Variants in RALGAPA1 observed in about 807,000 individuals in gnomAD.
RALGAPA1 encodes ral GTPase-activating protein subunit alpha-1.
RALGAPA1 carries 52 observed loss-of-function variants against 269.6 expected under a neutral mutation model. The ratio of observed to expected loss-of-function variants is 0.19; its 90% CI spans 0.15 to 0.24. The LOEUF is 0.24. Among genes scored for constraint, RALGAPA1 ranks in the 10% least tolerant of loss-of-function variants. RALGAPA1 has a pLI of 1.00. For missense variants in RALGAPA1, 1,917 were observed against 3,013.9 expected (o/e 0.64, Z 8.52); for synonymous variants, 817 against 1,008.3 (o/e 0.81, Z 3.60).
intron 37 of RALGAPA1, among the ~76,000 whole-genome samples, chr14:35,590,751 G>T: frequency 6.6e-6 from 1 of 152,160 alleles, no homozygotes; most frequent in East Asian, 1.9e-4. Context: ...TCTTATAAAA[G>T]ATTTGTAAAG....
intron 27 of RALGAPA1, among the ~76,000 whole-genome samples, chr14:35,660,409 C>T (rs1335369115): frequency 6.6e-6 from 1 of 151,924 alleles, no homozygotes; most frequent in Admixed American, 6.6e-5. Context: ...TTAACAATAG[C>T]ATCGAAAACA....
chr14:35,713,074 T>C (rs1399000879), intron 16 of RALGAPA1, among the ~76,000 whole-genome samples: 2 of 152,166 alleles, frequency 1.3e-5, no homozygotes, highest in Non-Finnish European at 2.9e-5. Context: ...CTGAAAAATA[T>C]AAGCAAATAA....
At chr14:35,717,973 T>G (rs1595297626) in intron 16 of RALGAPA1, among the ~76,000 whole-genome samples, 1 of 152,302 alleles carries the variant, frequency 6.6e-6, no homozygotes, top group African/African-American at 2.4e-5. Flanking sequence ...CTAGAGCATA[T>G]TCCTAGCTCT....
Position 35,766,098 on chromosome 14 carries a change from T to C in RALGAPA1, c.326-3345A>G. The C allele has an allele frequency of 3.6e-6, 4 of 1,116,474 alleles. No individual in the cohort carries two copies. The South Asian group carries it at 5.0e-5, about 14-fold the overall frequency. 69.2% of individuals were successfully genotyped at this position (1,116,474 alleles called of 1,614,324 possible). The stretch of plus-strand genomic sequence containing the variant: ...ATCGGCATTCACATGCTATGCGGCT[T>C]TAGGATCAGATACTGGAGGGCTGAC... On this transcript the variant is annotated intron_variant, in intron 4 of 41. Transcript: ENST00000680220.
intron 37 of RALGAPA1, among the ~76,000 whole-genome samples, chr14:35,595,342 T>C (rs2058869467): frequency 1.3e-5 from 2 of 152,108 alleles, no homozygotes; most frequent in African/African-American, 2.4e-5. Flanking sequence ...TGCTTCAATA[T>C]AGTAACCGTT....
intron 1 of RALGAPA1, among the ~76,000 whole-genome samples, chr14:35,790,690 A>C (rs1250087817): frequency 3.3e-5 from 5 of 151,608 alleles, no homozygotes; most frequent in Non-Finnish European, 5.9e-5. Flanking sequence ...TGTCTAAAAA[A>C]AAAAAAAAAA....
intron 8 of RALGAPA1, among the ~76,000 whole-genome samples, chr14:35,750,917 A>G (rs1447920356): frequency 6.6e-6 from 1 of 152,222 alleles, no homozygotes; most frequent in Non-Finnish European, 1.5e-5. Flanking sequence ...TTTACAAAAT[A>G]TCAAAAAGTT....
intron 4 of RALGAPA1, among the ~76,000 whole-genome samples, chr14:35,768,769 G>A (rs577520086): frequency 1.3e-5 from 2 of 151,820 alleles, no homozygotes; most frequent in Non-Finnish European, 2.9e-5. Flanking sequence ...AGCACTTTGG[G>A]AGGCCGAGGT....
chr14:35,801,988 G>A (rs570738398), intron 1 of RALGAPA1, among the ~76,000 whole-genome samples: 2 of 152,308 alleles, frequency 1.3e-5, no homozygotes, highest in East Asian at 3.9e-4. Context: ...GATTCTCTAT[G>A]AAAAATATCC....
At chr14:35,566,581 T>C (rs1029284193) in intron 39 of RALGAPA1, among the ~76,000 whole-genome samples, 2 of 152,074 alleles carry the variant, frequency 1.3e-5, no homozygotes, top group African/African-American at 4.8e-5. Flanking sequence ...TCTCAATTTC[T>C]GTTGTAATTT....
intron 31 of RALGAPA1, among the ~76,000 whole-genome samples, chr14:35,645,459 A>T (rs1303086208): frequency 6.6e-6 from 1 of 151,510 alleles, no homozygotes; most frequent in Non-Finnish European, 1.5e-5. Context: ...GGCCGGGCGC[A>T]ATGGCTCACG....
intron 35 of RALGAPA1, among the ~76,000 whole-genome samples, chr14:35,621,364 A>C (rs2060614063): frequency 6.6e-6 from 1 of 152,204 alleles, no homozygotes; most frequent in Non-Finnish European, 1.5e-5. Flanking sequence ...AAATTAATTC[A>C]AGATGGATTA....
chr14:35,666,741 T>C (rs1477373832), intron 26 of RALGAPA1, among the ~76,000 whole-genome samples: 2 of 152,192 alleles, frequency 1.3e-5, no homozygotes, highest in African/African-American at 4.8e-5. Flanking sequence ...AAGGAGAAAT[T>C]AGTCATTTCA....
chr14:35,549,819 T>C (rs1318825278), intron 39 of RALGAPA1, among the ~76,000 whole-genome samples: 2 of 152,162 alleles, frequency 1.3e-5, no homozygotes, highest in African/African-American at 2.4e-5. Context: ...AATAACTCCA[T>C]GTGGTTAAGA....
chr14:35,674,725 T>C lies in RALGAPA1; in HGVS notation c.4625-16A>G, dbSNP rs564956498. 2.8e-4 allele frequency: 393 copies of C among 1,419,462 alleles called. 6 individuals are homozygous for C. The South Asian group carries it at 4.9e-3, about 18-fold the overall frequency. 87.9% of individuals were successfully genotyped at this position (1,419,462 alleles called of 1,614,324 possible). On this transcript the variant is annotated splice_polypyrimidine_tract_variant and intron_variant, in intron 22 of 41. Transcript: ENST00000680220. ...TCACTAATTTCTATAGAAAAAAATATATAGTGTCAGCCATTTTTCAGTGAA... is the reference window on the plus strand; with the variant it reads ...TCACTAATTTCTATAGAAAAAAATACATAGTGTCAGCCATTTTTCAGTGAA...
intron 37 of RALGAPA1, among the ~76,000 whole-genome samples, chr14:35,592,307 T>C (rs1015251063): frequency 1.3e-5 from 2 of 152,044 alleles, no homozygotes; most frequent in Non-Finnish European, 2.9e-5. Context: ...CCTACCAAAA[T>C]TGAATCAGGA....
At chr14:35,760,150 T>C (rs2073578759) in intron 6 of RALGAPA1, among the ~76,000 whole-genome samples, 2 of 152,160 alleles carry the variant, frequency 1.3e-5, no homozygotes, top group African/African-American at 4.8e-5. Context: ...GGATACAAGG[T>C]GATATGTAAT....
At chr14:35,590,736 T>A (rs2058583614) in intron 37 of RALGAPA1, among the ~76,000 whole-genome samples, 1 of 152,194 alleles carries the variant, frequency 6.6e-6, no homozygotes, top group Non-Finnish European at 1.5e-5. Flanking sequence ...CAGTAGTCAA[T>A]CAAATCTTAT....
intron 40 of RALGAPA1, among the ~76,000 whole-genome samples, 186 bp downstream of exon 40, chr14:35,548,924 T>G (rs1007198821): frequency 3.3e-5 from 5 of 152,156 alleles, no homozygotes; most frequent in Non-Finnish European, 7.4e-5. Flanking sequence ...TAGTTGACTT[T>G]TTAAGGAACT....
Sources: allele counts gnomAD v4.1 joint callset (sites outside exome capture counted in the v4.1 genomes callset), GRCh38; gene constraint gnomAD v4.1.1; transcripts MANE v1.5; gene names NCBI Gene and HGNC (gene_info 2026-07-23, HGNC 2026-07-21).